MCF2L2: variants seen among roughly 807,000 people sequenced by gnomAD.
The protein encoded by MCF2L2 is MCF.2 cell line derived transforming sequence-like 2, also known as probable guanine nucleotide exchange factor MCF2L2.
A neutral mutation model predicts 150.2 loss-of-function variants in MCF2L2; 102 were observed. The observed-to-expected ratio is 0.68, with a 90% CI of 0.58 to 0.80. The LOEUF is 0.80. Ranked by LOEUF, MCF2L2 falls within the 30% of genes least tolerant of loss-of-function variation. The pLI, the probability that MCF2L2 is intolerant of heterozygous loss-of-function variation, is 0.00. For missense variants in MCF2L2, 1,256 were observed against 1,372.8 expected (o/e 0.91, Z 1.34); for synonymous variants, 465 against 491.3 (o/e 0.95, Z 0.71).
chr3:183,231,192 C>CA, intron 15 of MCF2L2, 175 bp from the exon 16 acceptor site: 1 of 685,786 alleles, frequency 1.5e-6, no homozygotes, highest in Non-Finnish European at 2.7e-6. Context: ...CAGCATCTCA[C>CA]AAACGCACAC....
rs765096638 is a variant in MCF2L2, at chr3:183,231,038, G to A, written c.1863-21C>T. 5.0e-6 allele frequency: 8 copies of A among 1,589,430 alleles called. No individual in the cohort carries two copies. The African/African-American group carries it at 9.4e-5, about 19-fold the overall frequency. ...TGCGCCTGAATCACAGCAGCAGGTG[G>A]GAGGGTGAAAGAGAGAGAGACAGGG... On this transcript the variant is annotated intron_variant, in intron 15 of 29. Coordinates refer to ENST00000328913, the MANE Select transcript of MCF2L2 (RefSeq NM_015078.4).
Position 183,364,865 on chromosome 3 carries a change from C to G in MCF2L2, c.275+14432G>C, listed in dbSNP as rs150973711. Among the ~76,000 whole-genome samples, 10 of 152,252 alleles carry G rather than the reference C, an allele frequency of 6.6e-5. No homozygotes were observed. In the East Asian group the frequency reaches 1.9e-3, roughly 29 times the overall value. ...TCAGAAATGTAAAACTTAAACAGGA[C>G]CAGTTTAGCTGAACGTTATCAAGGC... On this transcript the variant is annotated intron_variant, in intron 3 of 29. Coordinates refer to ENST00000328913, the MANE Select transcript of MCF2L2 (RefSeq NM_015078.4).
intron 25 of MCF2L2, among the ~76,000 whole-genome samples, chr3:183,205,423 G>T (rs1050705905): frequency 3.3e-4 from 50 of 152,064 alleles, no homozygotes; most frequent in African/African-American, 1.2e-3. Context: ...TAAAAAAATA[G>T]AATTAGACTG....
intron 25 of MCF2L2, among the ~76,000 whole-genome samples, chr3:183,200,097 T>C (rs1353604216): frequency 1.3e-5 from 2 of 152,220 alleles, no homozygotes; most frequent in Non-Finnish European, 2.9e-5. Flanking sequence ...CGTGTGCATG[T>C]ATCTTTATAG....
chr3:183,197,426 A>C lies in MCF2L2; in HGVS notation c.2885-2171T>G, dbSNP rs6800128. On this transcript the variant is annotated intron_variant, in intron 25 of 29. Coordinates refer to ENST00000328913, the MANE Select transcript of MCF2L2 (RefSeq NM_015078.4). This position sits in a 1 kb window ranked among gnomAD's most constrained non-coding sequence, Gnocchi z 4.5. ...AGGACTGAACTTTGATCCATACCTCACACCACATACAAATCAAAAACAGAA... is the reference window on the plus strand; with the variant it reads ...AGGACTGAACTTTGATCCATACCTCCCACCACATACAAATCAAAAACAGAA... Among the ~76,000 whole-genome samples, 75,534 of 151,678 alleles carry C rather than the reference A, an allele frequency of 0.5. 20,265 individuals carry two copies. The highest frequency in any genetic ancestry group is 0.67 in the East Asian group (3,456 of 5,170).
In MCF2L2 at chr3:183,179,524, T is replaced by A. The variant is rs771177229; in HGVS notation, c.3222-21A>T. On this transcript the variant is annotated intron_variant, in intron 29 of 29. Coordinates refer to ENST00000328913, the MANE Select transcript of MCF2L2 (RefSeq NM_015078.4). The surrounding 1 kb of genome is among the most constrained non-coding windows in gnomAD (Gnocchi z 4.2). ...TCGCCCTGCAATTCCGAGAAGAAAG[T>A]CAGAGACGCCGTGGCCCAAAGAGGC... 4 of 1,610,884 alleles carry A rather than the reference T, an allele frequency of 2.5e-6. No homozygotes were observed. Among genetic ancestry groups the A allele is most frequent in the Non-Finnish European group, 2.5e-6 (3 of 1,177,716 alleles).
chr3:183,336,694 A>C (rs1730494978), intron 5 of MCF2L2, among the ~76,000 whole-genome samples: 1 of 151,608 alleles, frequency 6.6e-6, no homozygotes, highest in Non-Finnish European at 1.5e-5. Context: ...TCTCTACTAA[A>C]AATGCAAAAA....
intron 18 of MCF2L2, chr3:183,226,862 C>T (rs1723363401): frequency 6.6e-6 from 1 of 152,110 alleles, no homozygotes; most frequent in African/African-American, 2.4e-5. Context: ...ATTAATGAAT[C>T]AGAATGAGTA....
chr3:183,427,530 T>C (rs939844648), intron 1 of MCF2L2, among the ~76,000 whole-genome samples: 6 of 152,170 alleles, frequency 3.9e-5, no homozygotes, highest in Admixed American at 3.3e-4. Flanking sequence ...CTGGCATTCG[T>C]TCCTCTTATG....
rs566214710 is a variant in MCF2L2, at chr3:183,427,185, TAAG to T, written c.76+714_76+716del. 3.3e-4 allele frequency among the ~76,000 whole-genome samples: 51 copies of T among 152,306 alleles called. No individual in the cohort carries two copies. The South Asian group carries it at 0.011, about 32-fold the overall frequency. On this transcript the variant is annotated intron_variant, in intron 1 of 29. Coordinates refer to ENST00000328913, the MANE Select transcript of MCF2L2 (RefSeq NM_015078.4). ...GGGAAGGCCAAGGGGAAGAAAGTGC[TAAG>T]AAAAAACTGACTGGGAACTGTCTCA...
At chr3:183,298,868 G>C (rs1348670474) in intron 11 of MCF2L2, 1 of 152,280 alleles carries the variant, frequency 6.6e-6, no homozygotes, top group African/African-American at 2.4e-5. Flanking sequence ...TCAGCACACA[G>C]AGCAGGCTGC....
In MCF2L2 at chr3:183,401,254, A is replaced by T. The variant is rs1714739495; in HGVS notation, c.77-11475T>A. Among the ~76,000 whole-genome samples, 4 of 152,240 alleles carry T rather than the reference A, an allele frequency of 2.6e-5. No homozygotes were observed. The South Asian group carries it at 8.3e-4, about 32-fold the overall frequency. The stretch of plus-strand genomic sequence containing the variant: ...ATTTTGGTTCCTCATGCTTAATGGT[A>T]TTTATTAATAATGTGTTTCCATAGT... On this transcript the variant is annotated intron_variant, in intron 1 of 29. Transcript: ENST00000328913.
chr3:183,339,866 T>A (rs1458850485), intron 4 of MCF2L2, among the ~76,000 whole-genome samples: 1 of 152,210 alleles, frequency 6.6e-6, no homozygotes, highest in Non-Finnish European at 1.5e-5. Context: ...GAAGAGATTC[T>A]GGCAGGTAGC....
intron 22 of MCF2L2, among the ~76,000 whole-genome samples, chr3:183,210,156 C>T (rs981145497): frequency 5.9e-5 from 9 of 152,098 alleles, no homozygotes; most frequent in African/African-American, 1.4e-4. Flanking sequence ...TGCCTGTAGT[C>T]GCAACTACTT....
chr3:183,183,720 T>C (rs1721603640), intron 27 of MCF2L2, among the ~76,000 whole-genome samples: 1 of 152,160 alleles, frequency 6.6e-6, no homozygotes, highest in South Asian at 2.1e-4. Context: ...ATTCAACAAA[T>C]AGTACCTGTT....
intron 3 of MCF2L2, among the ~76,000 whole-genome samples, chr3:183,358,489 G>C (rs1474451417): frequency 6.6e-6 from 1 of 152,126 alleles, no homozygotes; most frequent in Non-Finnish European, 1.5e-5. Flanking sequence ...TGTATCGAAA[G>C]AGTAGATCCA....
intron 5 of MCF2L2, among the ~76,000 whole-genome samples, chr3:183,331,464 CTT>C (rs1201826575): frequency 6.6e-6 from 1 of 152,184 alleles, no homozygotes; most frequent in Non-Finnish European, 1.5e-5. Context: ...CTAAAAATGT[CTT>C]GTTTCTTTTC....
intron 3 of MCF2L2, chr3:183,376,618 A>G (rs1055697211): frequency 6.6e-6 from 1 of 152,194 alleles, no homozygotes; most frequent in Non-Finnish European, 1.5e-5. Flanking sequence ...CTTCACCTCT[A>G]TTGTCTTAGG....
chr3:183,335,108 A>G (rs1730421380), intron 5 of MCF2L2, among the ~76,000 whole-genome samples: 1 of 143,714 alleles, frequency 7.0e-6, no homozygotes, highest in South Asian at 2.2e-4. Flanking sequence ...ACAGAGAGAG[A>G]CTCTGTCTTA....
Sources: gnomAD v4.1 joint callset for allele counts (sites outside exome capture counted in the v4.1 genomes callset) on GRCh38, gnomAD v4.1.1 for gene constraint, Gnocchi (gnomAD v3.1) non-coding constraint, MANE v1.5 for transcripts, NCBI Gene and HGNC (gene_info 2026-07-23, HGNC 2026-07-21) for gene names.